TEKT5: variants seen among roughly 807,000 people sequenced by gnomAD.
The protein encoded by TEKT5 is tektin 5.
TEKT5 carries 52 observed loss-of-function variants against 48.7 expected under a neutral mutation model. The observed-to-expected ratio is 1.07, with a 90% CI of 0.86 to 1.35. TEKT5 has a LOEUF of 1.35. Among genes scored for constraint, TEKT5 ranks in the 40% most tolerant of loss-of-function variants. The pLI is 0.00. For missense variants in TEKT5, 831 were observed against 641.6 expected (o/e 1.30, Z -3.19); for synonymous variants, 318 against 267.6 (o/e 1.19, Z -1.84).
intron 5 of TEKT5, among the ~76,000 whole-genome samples, chr16:10,648,138 C>G (rs981244911): frequency 1.9e-4 from 29 of 152,288 alleles, no homozygotes; most frequent in African/African-American, 7.0e-4. Context: ...GGCACCATGT[C>G]AGTTCTCCTG....
intron 1 of TEKT5, chr16:10,690,673 C>T: frequency 2.0e-6 from 2 of 985,428 alleles, no homozygotes; most frequent in Non-Finnish European, 2.4e-6. Flanking sequence ...CAGGACAACC[C>T]TGCCACCTAG....
chr16:10,629,928 G>A (rs957342877), intron 6 of TEKT5, among the ~76,000 whole-genome samples: 1 of 152,044 alleles, frequency 6.6e-6, no homozygotes, highest in Non-Finnish European at 1.5e-5. Context: ...AACTTTCCGA[G>A]GGGAGGACTT....
At chr16:10,684,394 T>A (rs1257848203) in intron 3 of TEKT5, among the ~76,000 whole-genome samples, 1 of 150,532 alleles carries the variant, frequency 6.6e-6, no homozygotes, top group Non-Finnish European at 1.5e-5. Flanking sequence ...CTCCCCTCCA[T>A]CTTTTTTTTT....
In TEKT5 at chr16:10,635,849, C is replaced by G; in HGVS notation, c.1156G>C (p.Gly386Arg). 6.2e-7 allele frequency: 1 copy of G among 1,614,138 alleles called. No individual in the cohort carries two copies. The highest frequency in any genetic ancestry group is 1.6e-4 in the Middle Eastern group (1 of 6,062). ...CTTGTCTGGGCCACCTTCAGCGGGC[C>G]CTCCTTGGCCATGATGGACCTTTCC... ...LLERSIMAKE[G>R]PLKVAQTRLE... Residue 386 changes from glycine to arginine, a missense_variant, in exon 6 of 7, where the codon GGC becomes CGC. Transcript: ENST00000283025.
At chr16:10,655,148 C>G (rs1201570806) in intron 5 of TEKT5, among the ~76,000 whole-genome samples, 1 of 152,088 alleles carries the variant, frequency 6.6e-6, no homozygotes, top group Non-Finnish European at 1.5e-5. Flanking sequence ...TACATTTATC[C>G]TTCAAGAACT....
intron 5 of TEKT5, among the ~76,000 whole-genome samples, chr16:10,661,466 TA>T (rs1158387997): frequency 2.0e-5 from 3 of 152,164 alleles, no homozygotes; most frequent in African/African-American, 7.2e-5. Flanking sequence ...ATATGCATAT[TA>T]AAGCTTTAAA....
intron 5 of TEKT5, among the ~76,000 whole-genome samples, chr16:10,661,202 T>G (rs1435200270): frequency 6.6e-6 from 1 of 152,218 alleles, no homozygotes; most frequent in South Asian, 2.1e-4. Flanking sequence ...GATTTGGCCC[T>G]TGGGGCTGTG....
chr16:10,672,644 G>A (rs140597023), intron 5 of TEKT5, among the ~76,000 whole-genome samples: 16 of 152,130 alleles, frequency 1.1e-4, no homozygotes, highest in Admixed American at 4.6e-4. Context: ...GCAGAAAGAT[G>A]TAAGGAGTAC....
intron 5 of TEKT5, among the ~76,000 whole-genome samples, chr16:10,640,006 C>T (rs1203448894): frequency 9.8e-6 from 1 of 102,086 alleles, no homozygotes; most frequent in African/African-American, 3.4e-5. Flanking sequence ...CCTCCTCTTC[C>T]TCCTCCTCAG....
intron 5 of TEKT5, among the ~76,000 whole-genome samples, chr16:10,669,696 C>G (rs1265206525): frequency 1.3e-5 from 2 of 151,724 alleles, no homozygotes; most frequent in African/African-American, 4.8e-5. Flanking sequence ...ACACATCCTA[C>G]CCCCAAAAAC....
chr16:10,677,467 G>A lies in TEKT5; in HGVS notation c.864-1286C>T, dbSNP rs530505867. On this transcript the variant is annotated intron_variant, in intron 4 of 6. Coordinates refer to ENST00000283025, the MANE Select transcript of TEKT5 (RefSeq NM_144674.2). The stretch of plus-strand genomic sequence containing the variant: ...TCTACTAAAAATATAAAAATTAGCC[G>A]GGTGTGGTGGCACACGCCTGTAATC... Among the ~76,000 whole-genome samples the A allele has an allele frequency of 5.5e-5, 8 of 146,222 alleles. 2 individuals are homozygous for A. The highest frequency in any genetic ancestry group is 1.4e-4 in the African/African-American group (5 of 36,894).
Position 10,652,494 on chromosome 16 carries a change from A to ACACC in TEKT5, c.1087-16577_1087-16576insGGTG, listed in dbSNP as rs1491427175. On this transcript the variant is annotated intron_variant, in intron 5 of 6. Transcript: ENST00000283025. The stretch of plus-strand genomic sequence containing the variant: ...CACACACACACACACACACACACAC[A>ACACC]CCCTCCAGGCCAGGTAGAGCGATCC... Among the ~76,000 whole-genome samples, 162 of 73,084 alleles carry ACACC rather than the reference A, an allele frequency of 2.2e-3. 3 individuals carry two copies. Among genetic ancestry groups the ACACC allele is most frequent in the Middle Eastern group, 0.019 (2 of 104 alleles). 47.9% of individuals were successfully genotyped at this position (73,084 alleles called of 152,430 possible). A position where few individuals can be genotyped will look rare whatever the true frequency, so the allele number is the denominator to read the frequency against.
chr16:10,692,976 T>C (rs1418898428), intron 1 of TEKT5: 2 of 152,230 alleles, frequency 1.3e-5, no homozygotes, highest in East Asian at 3.8e-4. Flanking sequence ...TAAACCACTA[T>C]CGTGGAGTAT....
intron 5 of TEKT5, among the ~76,000 whole-genome samples, chr16:10,668,610 A>C (rs931957556): frequency 6.6e-6 from 1 of 152,214 alleles, no homozygotes; most frequent in Non-Finnish European, 1.5e-5. Flanking sequence ...CTCACCCCTC[A>C]GACGCCAGGC....
At chr16:10,638,988 T>G (rs79428391) in intron 5 of TEKT5, among the ~76,000 whole-genome samples, 3,413 of 152,266 alleles carry the variant, frequency 0.022, 132 homozygotes, top group African/African-American at 0.079. Context: ...ATTTACAACA[T>G]AAGGGTCCCA....
chr16:10,679,841 G>A (rs1596416677), intron 4 of TEKT5, among the ~76,000 whole-genome samples: 2 of 152,060 alleles, frequency 1.3e-5, no homozygotes, highest in South Asian at 2.1e-4. Context: ...AGGCTGTGGT[G>A]AGCCGAGATC....
At chr16:10,655,790 G>A (rs1052016409) in intron 5 of TEKT5, among the ~76,000 whole-genome samples, 1 of 152,204 alleles carries the variant, frequency 6.6e-6, no homozygotes, top group Admixed American at 6.5e-5. Context: ...TGAGGTCTAA[G>A]TGTGAAAAAT....
At chr16:10,649,848 A>G (rs1391860628) in intron 5 of TEKT5, among the ~76,000 whole-genome samples, 1 of 152,172 alleles carries the variant, frequency 6.6e-6, no homozygotes, top group Non-Finnish European at 1.5e-5. Context: ...TGCGCTTGGT[A>G]CGTAGATAAT....
At chr16:10,657,574 G>C (rs912250931) in intron 5 of TEKT5, among the ~76,000 whole-genome samples, 2 of 151,108 alleles carry the variant, frequency 1.3e-5, no homozygotes, top group Non-Finnish European at 2.9e-5. Context: ...TTGTAGAAAA[G>C]TCATTCCCCT....
Sources: allele counts gnomAD v4.1 joint callset (sites outside exome capture counted in the v4.1 genomes callset), GRCh38; gene constraint gnomAD v4.1.1; transcripts MANE v1.5; gene names NCBI Gene and HGNC (gene_info 2026-07-23, HGNC 2026-07-21).